The following LVRN variants were observed in gnomAD, a reference collection of about 807,000 sequenced individuals.
LVRN encodes the protein aminopeptidase Q.
Under a neutral mutation model 111.4 loss-of-function variants are expected in LVRN, and 99 were observed. That is an observed-to-expected ratio of 0.89 (90% confidence interval 0.76 to 1.05). The LOEUF is 1.05. Ranked by LOEUF, LVRN falls within the 50% of genes least tolerant of loss-of-function variation. The pLI is 0.00. For synonymous variants in LVRN, 488 were observed against 449.5 expected (o/e 1.09, Z -1.08); for missense variants, 1,414 against 1,206.8 (o/e 1.17, Z -2.54).
intron 18 of LVRN, 124 bp downstream of exon 18, chr5:116,015,889 C>G: frequency 2.6e-6 from 3 of 1,167,462 alleles, no homozygotes; most frequent in South Asian, 4.1e-5. Context: ...TTTGCATTGA[C>G]TAGAAAAGTT....
At position 115,962,772 on chromosome 5, in the gene LVRN, G is replaced by C. The variant is rs746505592; in HGVS notation, c.155G>C (p.Arg52Thr). The stretch of plus-strand genomic sequence containing the variant: ...CCACCGTCGGAGCTGCCTGGACTCA[G>C]GGACTTGGAAGCCGAGTCTTCCCCT... The part of the protein sequence containing the change: ...RVPPSELPGL[R>T]DLEAESSPPL... Residue 52 changes from arginine to threonine, a missense_variant, in exon 1 of 20, where the codon AGG becomes ACG. By Grantham distance (71) the Arg-to-Thr change is moderately conservative. Coordinates refer to ENST00000357872, the MANE Select transcript of LVRN (RefSeq NM_173800.5). 1.2e-6 allele frequency: 2 copies of C among 1,611,790 alleles called. No homozygotes were observed. Among genetic ancestry groups the C allele is most frequent in the African/African-American group, 2.7e-5 (2 of 74,972 alleles).
intron 1 of LVRN, among the ~76,000 whole-genome samples, chr5:115,964,026 T>A (rs1006847254): frequency 1.3e-5 from 2 of 152,216 alleles, no homozygotes; most frequent in African/African-American, 4.8e-5. Context: ...AGACATGTGT[T>A]CTTTTTACAC....
At chr5:116,014,802 T>C (rs969533709) in intron 16 of LVRN, among the ~76,000 whole-genome samples, 7 of 152,170 alleles carry the variant, frequency 4.6e-5, no homozygotes, top group African/African-American at 1.7e-4. Flanking sequence ...TGTCTATGCT[T>C]GTTTTGAGTC....
In LVRN at chr5:116,008,060, G is replaced by T. The variant is rs567802044; in HGVS notation, c.2093+2093G>T. On this transcript the variant is annotated intron_variant, in intron 13 of 19. Coordinates refer to ENST00000357872, the MANE Select transcript of LVRN (RefSeq NM_173800.5). The stretch of plus-strand genomic sequence containing the variant: ...TGAGAATCAGTACTATTGAAATTAG[G>T]GCCGGGTGTGGTGGCTCATGCCTGT... Among the ~76,000 whole-genome samples the T allele has an allele frequency of 1.0e-3, 153 of 152,244 alleles. 2 individuals carry two copies. Among genetic ancestry groups the T allele is most frequent in the African/African-American group, 3.5e-3 (145 of 41,528 alleles).
In LVRN at chr5:116,020,424, C is replaced by T. The variant is rs114721818; in HGVS notation, c.2757-1967C>T. Among the ~76,000 whole-genome samples the T allele has an allele frequency of 2.4e-3, 362 of 152,264 alleles. 4 individuals carry two copies. Among genetic ancestry groups the T allele is most frequent in the African/African-American group, 8.5e-3 (355 of 41,546 alleles). Reference sequence around the variant, plus strand: ...TGGGCTTCACAGCATACAGAAAAACCACTTTTATTTGAATATAGAATACAG... The same window carrying T: ...TGGGCTTCACAGCATACAGAAAAACTACTTTTATTTGAATATAGAATACAG... On this transcript the variant is annotated intron_variant, in intron 18 of 19. Coordinates refer to ENST00000357872, the MANE Select transcript of LVRN (RefSeq NM_173800.5).
At chr5:116,016,560 A>C (rs922049061) in intron 18 of LVRN, among the ~76,000 whole-genome samples, 2 of 152,214 alleles carry the variant, frequency 1.3e-5, no homozygotes, top group Admixed American at 1.3e-4. Flanking sequence ...TGGGGATGAT[A>C]AGCCTTCTGG....
rs140902452 is a variant in LVRN, at chr5:116,017,340, G to A, written c.2756+1575G>A. Among the ~76,000 whole-genome samples, 344 of 152,298 alleles carry A rather than the reference G, an allele frequency of 2.3e-3. 1 individual carries two copies. Among genetic ancestry groups the A allele is most frequent in the Non-Finnish European group, 2.3e-3 (157 of 68,014 alleles). On this transcript the variant is annotated intron_variant, in intron 18 of 19. Transcript: ENST00000357872. Reference sequence around the variant, plus strand: ...AGTTTTATTTTGTGTGCTCTTCATTGGTGATGTCTTGTTTCTAACTGGTGT... The same window carrying A: ...AGTTTTATTTTGTGTGCTCTTCATTAGTGATGTCTTGTTTCTAACTGGTGT...
At chr5:115,984,838 G>A (rs1007097372) in intron 3 of LVRN, 129 bp downstream of exon 3, 16 of 1,299,118 alleles carry the variant, frequency 1.2e-5, no homozygotes, top group African/African-American at 1.2e-4. Flanking sequence ...CCCAAGCCCT[G>A]TAAAAGTTCT....
intron 12 of LVRN, 38 bp from the exon 13 acceptor site, chr5:116,005,874 T>C (rs1031781844): frequency 1.3e-6 from 2 of 1,548,292 alleles, no homozygotes; most frequent in East Asian, 4.5e-5. Flanking sequence ...AAAAATGTTC[T>C]CATCTTCTTC....
At chr5:116,022,897 A>G (rs17138683) in intron 19 of LVRN, among the ~76,000 whole-genome samples, 13,680 of 152,272 alleles carry the variant, frequency 0.09, 1,894 homozygotes, top group African/African-American at 0.3. Context: ...TCACCTCACC[A>G]CTAAGTGTCA....
chr5:116,015,784 CCTTT>C lies in LVRN; in HGVS notation c.2756+25_2756+28del. The C allele has an allele frequency of 6.2e-7, 1 of 1,610,946 alleles. No homozygotes were observed. The highest frequency in any genetic ancestry group is 1.3e-5 in the African/African-American group (1 of 74,920). ...GTAAAAGGTAAGAAGGAAAGTGAGA[CCTTT>C]CTTTCATTTAGGCCACTGGTTTGGC... On this transcript the variant is annotated intron_variant, in intron 18 of 19. Transcript: ENST00000357872.
intron 13 of LVRN, among the ~76,000 whole-genome samples, chr5:116,008,317 C>T (rs2112619266): frequency 6.6e-6 from 1 of 152,206 alleles, no homozygotes; most frequent in Non-Finnish European, 1.5e-5. Context: ...GCACTCCAGC[C>T]TGGGTGACAG....
chr5:115,992,723 G>A (rs916849301), intron 5 of LVRN, among the ~76,000 whole-genome samples: 1 of 152,190 alleles, frequency 6.6e-6, no homozygotes, highest in Non-Finnish European at 1.5e-5. Context: ...TAATAGATTA[G>A]CAAGGTGGCA....
intron 1 of LVRN, among the ~76,000 whole-genome samples, chr5:115,965,823 A>G (rs774980774): frequency 6.6e-6 from 1 of 152,108 alleles, no homozygotes; most frequent in Non-Finnish European, 1.5e-5. Context: ...TGCCATGACT[A>G]TAAGTTTCCT....
chr5:115,994,375 C>T (rs182815286), intron 6 of LVRN, among the ~76,000 whole-genome samples: 4 of 152,238 alleles, frequency 2.6e-5, no homozygotes, highest in Middle Eastern at 6.8e-3. Flanking sequence ...TGGGCTCAAG[C>T]AGTCCTCCCA....
intron 1 of LVRN, chr5:115,974,873 CA>C: frequency 2.4e-6 from 1 of 414,012 alleles, no homozygotes; most frequent in Non-Finnish European, 4.8e-6. Flanking sequence ...CTCTCCCGAC[CA>C]ATCTCTCTGT....
At chr5:116,020,533 A>G (rs893464005) in intron 18 of LVRN, among the ~76,000 whole-genome samples, 1 of 152,206 alleles carries the variant, frequency 6.6e-6, no homozygotes, top group Admixed American at 6.5e-5. Context: ...TCCACATGTT[A>G]TTATATAGCC....
At chr5:115,968,422 C>A (rs1269945587) in intron 1 of LVRN, among the ~76,000 whole-genome samples, 2 of 144,470 alleles carry the variant, frequency 1.4e-5, no homozygotes, top group South Asian at 2.2e-4. Context: ...ATTGAGCCAG[C>A]CTTAGTTCCC....
intron 4 of LVRN, among the ~76,000 whole-genome samples, chr5:115,988,332 G>GT (rs36043607): frequency 9.3e-4 from 138 of 148,064 alleles, no homozygotes; most frequent in Middle Eastern, 3.5e-3. Context: ...CCTTTAGTAA[G>GT]TTTTTTTTTT....
Sources: allele counts gnomAD v4.1 joint callset (sites outside exome capture counted in the v4.1 genomes callset), GRCh38; gene constraint gnomAD v4.1.1; transcripts MANE v1.5; gene names NCBI Gene and HGNC (gene_info 2026-07-23, HGNC 2026-07-21).